The following CYTH3 variants were observed in gnomAD, a reference collection of about 807,000 sequenced individuals.
CYTH3 encodes the protein cytohesin-3.
In CYTH3, 23 loss-of-function variants were observed where a neutral mutation model predicts 55.1. The ratio of observed to expected loss-of-function variants is 0.42; its 90% CI spans 0.30 to 0.59. CYTH3 has a LOEUF of 0.59. CYTH3 is among the 20% of genes least tolerant of loss of function. CYTH3 has a pLI of 0.20. For missense variants in CYTH3, 413 were observed against 524.8 expected, an observed-to-expected ratio of 0.79 and a Z score of 2.08; for synonymous variants, 249 against 194.9, an observed-to-expected ratio of 1.28 and a Z score of -2.31.
chr7:6,259,782 ATAAT>A (rs1780266054), intron 1 of CYTH3, among the ~76,000 whole-genome samples: 1 of 22,446 alleles, frequency 4.5e-5, no homozygotes, highest in African/African-American at 8.0e-4. Flanking sequence ...TTATATATAT[ATAAT>A]ATATATATAT....
intron 1 of CYTH3, among the ~76,000 whole-genome samples, chr7:6,253,283 C>T (rs530775284): frequency 6.7e-6 from 1 of 149,544 alleles, no homozygotes; most frequent in East Asian, 2.0e-4. Flanking sequence ...ACTGGCAGAA[C>T]CTTGGCTCAC....
At chr7:6,238,606 G>A (rs564483941) in intron 1 of CYTH3, among the ~76,000 whole-genome samples, 2 of 152,208 alleles carry the variant, frequency 1.3e-5, no homozygotes, top group East Asian at 1.9e-4. Flanking sequence ...ATACTATAAC[G>A]GTGGGTACTC....
intron 1 of CYTH3, among the ~76,000 whole-genome samples, chr7:6,247,498 T>G (rs1343462099): frequency 6.6e-6 from 1 of 152,216 alleles, no homozygotes; most frequent in African/African-American, 2.4e-5. Flanking sequence ...TGGTATCTTC[T>G]TTACGAACAA....
chr7:6,220,979 G>C (rs1181361539), intron 1 of CYTH3, among the ~76,000 whole-genome samples: 1 of 151,596 alleles, frequency 6.6e-6, no homozygotes, highest in African/African-American at 2.4e-5. Context: ...CTAGGCGACA[G>C]AGTGAGACCC....
chr7:6,259,734 C>CATATATATATTATAT (rs1346850556), intron 1 of CYTH3, among the ~76,000 whole-genome samples: 3 of 61,972 alleles, frequency 4.8e-5, no homozygotes, highest in African/African-American at 2.8e-4. Flanking sequence ...ATTTTACATA[C>CATATATATATTATAT]ATATATATAA....
intron 9 of CYTH3, among the ~76,000 whole-genome samples, chr7:6,166,717 T>C (rs1783020974): frequency 6.6e-6 from 1 of 152,130 alleles, no homozygotes; most frequent in East Asian, 1.9e-4. Context: ...GAAGCCTGGC[T>C]CAGCGGAACT....
In CYTH3 at chr7:6,163,092, A is replaced by G. The variant is rs1409695941; in HGVS notation, c.*1852T>C. ...CTTCCGATTTGAGGTATCAGTAACA[A>G]AGCCTAAGAACGTGGGAATGAAAGT... On this transcript the variant is annotated 3_prime_UTR_variant, in exon 13 of 13. Transcript: ENST00000350796. 2.0e-5 allele frequency: 3 copies of G among 152,690 alleles called. No individual in the cohort carries two copies. Among genetic ancestry groups the G allele is most frequent in the African/African-American group, 7.2e-5 (3 of 41,472 alleles). The allele number at this position is 152,690 out of a possible 1,614,324, so 9.5% of individuals were successfully genotyped here.
chr7:6,185,960 C>A (rs956891439), intron 4 of CYTH3, among the ~76,000 whole-genome samples: 2 of 151,508 alleles, frequency 1.3e-5, no homozygotes, highest in Non-Finnish European at 3.0e-5. Flanking sequence ...TACAGACCGA[C>A]TGGGCCAGGC....
Position 6,170,500 on chromosome 7 carries a change from G to A in CYTH3, c.823+35C>T. The A allele has an allele frequency of 1.3e-6, 2 of 1,591,186 alleles. No homozygotes were observed. The highest frequency in any genetic ancestry group is 1.7e-6 in the Non-Finnish European group (2 of 1,161,498). On this transcript the variant is annotated intron_variant, in intron 9 of 12. Transcript: ENST00000350796. This position sits in a 1 kb window ranked among gnomAD's most constrained non-coding sequence, Gnocchi z 7.8. The stretch of plus-strand genomic sequence containing the variant: ...GAGGGGCTGCTGCCATGGGCAGAGG[G>A]GTCACGCCCGGGTCCCGCTGGGCCG...
chr7:6,187,264 G>A (rs925113409), intron 3 of CYTH3, 148 bp from the exon 4 acceptor site: 1 of 751,332 alleles, frequency 1.3e-6, no homozygotes. Context: ...CTCCGCAGTG[G>A]CGGCAGGGGT....
chr7:6,272,623 G>T lies in CYTH3; in HGVS notation c.-116C>A. The T allele has an allele frequency of 1.3e-6, 1 of 750,996 alleles. No individual in the cohort carries two copies. Among genetic ancestry groups the T allele is most frequent in the East Asian group, 1.0e-4 (1 of 9,906 alleles). 46.5% of individuals were successfully genotyped at this position (750,996 alleles called of 1,614,324 possible). On this transcript the variant is annotated 5_prime_UTR_variant, in exon 1 of 13. Coordinates refer to ENST00000350796, the MANE Select transcript of CYTH3 (RefSeq NM_004227.4). ...CGGGCGGCTCCTCAGCGCGCGGCCC[G>T]GGTCGCGGCCGGGCCTCCTCCCGCC...
rs970240009 is a variant in CYTH3, at chr7:6,235,096, A to G, written c.34+37378T>C. On this transcript the variant is annotated intron_variant, in intron 1 of 12. Transcript: ENST00000350796. ...ATGCTCCTTTGCCATGCGCATGTAT[A>G]TTTCCTCCTCACAGAATGCCTGTCA... 4.6e-5 allele frequency among the ~76,000 whole-genome samples: 7 copies of G among 152,124 alleles called. 1 individual carries two copies. In the South Asian group the frequency reaches 1.0e-3, roughly 23 times the overall value.
intron 1 of CYTH3, among the ~76,000 whole-genome samples, chr7:6,227,075 G>C (rs1280630999): frequency 1.5e-5 from 2 of 133,854 alleles, no homozygotes. Context: ...GCAAGACTCT[G>C]TCTAAAAAAA....
chr7:6,234,606 T>C (rs772856435), intron 1 of CYTH3, among the ~76,000 whole-genome samples: 2 of 152,142 alleles, frequency 1.3e-5, no homozygotes, highest in African/African-American at 4.8e-5. Context: ...ATCCCACACC[T>C]GTGACTGGAA....
intron 1 of CYTH3, among the ~76,000 whole-genome samples, chr7:6,238,736 T>C (rs1313812315): frequency 1.3e-5 from 2 of 152,090 alleles, no homozygotes; most frequent in African/African-American, 2.4e-5. Context: ...CTGTAACAAA[T>C]GGACCACTGT....
intron 1 of CYTH3, among the ~76,000 whole-genome samples, chr7:6,196,350 C>T (rs192221327): frequency 2.0e-5 from 3 of 152,054 alleles, no homozygotes; most frequent in East Asian, 1.9e-4. Context: ...AAACCAACAT[C>T]GAATGCCCAG....
chr7:6,181,957 A>T (rs1205207014), intron 4 of CYTH3, among the ~76,000 whole-genome samples: 1 of 152,228 alleles, frequency 6.6e-6, no homozygotes, highest in East Asian at 1.9e-4. Flanking sequence ...GAAACATCCT[A>T]TCGTATCTCT....
intron 1 of CYTH3, among the ~76,000 whole-genome samples, chr7:6,268,699 G>T (rs747464863): frequency 1.2e-4 from 18 of 152,108 alleles, no homozygotes; most frequent in Non-Finnish European, 2.5e-4. Context: ...TGGATTGCTG[G>T]GTCAAAGGAT....
At chr7:6,192,693 G>A (rs536647000) in intron 1 of CYTH3, among the ~76,000 whole-genome samples, 45 of 151,292 alleles carry the variant, frequency 3.0e-4, no homozygotes, top group African/African-American at 1.0e-3. Flanking sequence ...CACCACGCTC[G>A]GCTAATTTTT....
Sources: allele counts gnomAD v4.1 joint callset (sites outside exome capture counted in the v4.1 genomes callset), GRCh38; gene constraint gnomAD v4.1.1; non-coding constraint Gnocchi (gnomAD v3.1); transcripts MANE v1.5; gene names NCBI Gene and HGNC (gene_info 2026-07-23, HGNC 2026-07-21).